The following TMEM220 variants were observed in gnomAD, a reference collection of about 807,000 sequenced individuals.
TMEM220 encodes the protein transmembrane protein 220.
TMEM220 carries 21 observed loss-of-function variants against 21.7 expected under a neutral mutation model. The ratio of observed to expected loss-of-function variants is 0.97; its 90% confidence interval spans 0.69 to 1.39. The LOEUF is 1.39. Ranked by LOEUF, TMEM220 falls within the 40% of genes most tolerant of loss-of-function variation. The probability of loss-of-function intolerance (pLI) is 0.00; values close to 1 mark genes in which losing one functional copy is unlikely to be tolerated. For synonymous variants in TMEM220, 80 were observed against 73.6 expected (o/e 1.09, Z -0.45); for missense variants, 191 against 201.9 (o/e 0.95, Z 0.33).
chr17:10,724,895 A>G, intron 4 of TMEM220, 116 bp downstream of exon 4: 1 of 1,424,132 alleles, frequency 7.0e-7, no homozygotes, highest in Non-Finnish European at 9.7e-7. Flanking sequence ...TGCCTCCTCC[A>G]CAGGGTACAC....
chr17:10,718,588 C>G (rs1178525586), intron 5 of TMEM220, among the ~76,000 whole-genome samples: 1 of 152,076 alleles, frequency 6.6e-6, no homozygotes, highest in Non-Finnish European at 1.5e-5. Context: ...ATGTTTCCCT[C>G]TAAGCATGAT....
At chr17:10,716,166 TG>T in intron 5 of TMEM220, 1 of 890,462 alleles carries the variant, frequency 1.1e-6, no homozygotes, top group South Asian at 1.3e-5. Context: ...ATAAGCCTTC[TG>T]GATCCTTGGA....
In TMEM220 at chr17:10,729,937, C is replaced by A. The variant is rs1280690074; in HGVS notation, c.-86G>T. On this transcript the variant is annotated 5_prime_UTR_variant, in exon 1 of 6. Transcript: ENST00000341871. ...CACGTACGGTCCGCCTTCCTCCTTG[C>A]GCGGAGGGACCGAGACCCCCGCCTC... 4.9e-6 allele frequency: 6 copies of A among 1,234,128 alleles called. No individual in the cohort carries two copies. Among genetic ancestry groups the A allele is most frequent in the Non-Finnish European group, 5.1e-6 (5 of 988,108 alleles). 76.4% of individuals were successfully genotyped at this position (1,234,128 alleles called of 1,614,324 possible). A position where few individuals can be genotyped will look rare whatever the true frequency, so the allele number is the denominator to read the frequency against.
At chr17:10,728,543 T>A (rs754238211) in intron 2 of TMEM220, among the ~76,000 whole-genome samples, 11 of 152,160 alleles carry the variant, frequency 7.2e-5, no homozygotes, top group Non-Finnish European at 1.3e-4. Flanking sequence ...ACTCCTGACC[T>A]CAAGTGATCC....
At chr17:10,721,995 CTTTT>C (rs139767679) in intron 5 of TMEM220, among the ~76,000 whole-genome samples, 1 of 125,978 alleles carries the variant, frequency 7.9e-6, no homozygotes, top group Non-Finnish European at 1.7e-5. Flanking sequence ...GTTTTTCTTT[CTTTT>C]TTTTTTTTTT....
chr17:10,717,324 T>A (rs928404079), intron 5 of TMEM220, among the ~76,000 whole-genome samples: 2 of 152,258 alleles, frequency 1.3e-5, no homozygotes, highest in Admixed American at 6.5e-5. Flanking sequence ...AGTGTAGATA[T>A]CTTCTATCAG....
rs2082213937 is a variant in TMEM220 at position 10,729,795 on chromosome 17, C to CA, written c.56dup (p.Ala20GlyfsTer8). On this transcript the variant is annotated frameshift_variant, in exon 1 of 6. Transcript: ENST00000341871. LOFTEE classifies it high-confidence loss of function. Reference sequence around the variant, plus strand: ...GCCGCCTGACCTGCACCAAGGCCGCCAGCGCGAAGAAGGCGGCCATGAGTC... The same window carrying CA: ...GCCGCCTGACCTGCACCAAGGCCGCCAAGCGCGAAGAAGGCGGCCATGAGTC... 1 of 1,411,576 alleles carries CA rather than the reference C, an allele frequency of 7.1e-7. No homozygotes were observed. The highest frequency in any genetic ancestry group is 1.5e-5 in the South Asian group (1 of 68,798). The allele number at this position is 1,411,576 out of a possible 1,614,324, so 87.4% of individuals were successfully genotyped here.
At chr17:10,718,139 TTAA>T (rs2074944566) in intron 5 of TMEM220, among the ~76,000 whole-genome samples, 1 of 152,146 alleles carries the variant, frequency 6.6e-6, no homozygotes, top group African/African-American at 2.4e-5. Context: ...CTCAATTTCT[TTAA>T]TAGTTATGGG....
chr17:10,722,514 A>G (rs1028275661), intron 5 of TMEM220, among the ~76,000 whole-genome samples: 1 of 152,192 alleles, frequency 6.6e-6, no homozygotes, highest in Non-Finnish European at 1.5e-5. Context: ...TGATTACAAC[A>G]TTAATCCTTG....
Position 10,715,510 on chromosome 17 carries a change from T to C in TMEM220, c.426A>G (p.Ile142Met). The C allele has an allele frequency of 6.2e-7, 1 of 1,605,432 alleles. No individual in the cohort carries two copies. The highest frequency in any genetic ancestry group is 8.5e-7 in the Non-Finnish European group (1 of 1,178,166). ...TLFPFISWVY[I>M]YINKEMRSSW... Reference sequence around the variant, plus strand: ...AGGACCGCATTTCCTTGTTAATATATATGTAGACCCATGAGATAAATGGGA... The same window carrying C: ...AGGACCGCATTTCCTTGTTAATATACATGTAGACCCATGAGATAAATGGGA... Residue 142 changes from isoleucine to methionine, a missense_variant, in exon 6 of 6, where the codon ATA becomes ATG. By Grantham distance (10) the Ile-to-Met change is conservative (BLOSUM62 1). Coordinates refer to ENST00000341871, the MANE Select transcript of TMEM220 (RefSeq NM_001004313.3).
At chr17:10,712,729 A>G (rs536220002), downstream of TMEM220, among the ~76,000 whole-genome samples, 1 of 152,374 alleles carries the variant, frequency 6.6e-6, no homozygotes, top group Admixed American at 6.5e-5. Flanking sequence ...AAAGTCAGAC[A>G]TGGCAAGTCA....
At chr17:10,723,160 T>C (rs1567586838) in intron 5 of TMEM220, 110 bp downstream of exon 5, 1 of 925,530 alleles carries the variant, frequency 1.1e-6, no homozygotes, top group Non-Finnish European at 1.8e-6. Flanking sequence ...TTCTGTATTT[T>C]AGTAGAGACA....
intron 5 of TMEM220, among the ~76,000 whole-genome samples, chr17:10,717,187 G>A (rs551379042): frequency 7.9e-5 from 12 of 151,772 alleles, no homozygotes; most frequent in African/African-American, 2.7e-4. Flanking sequence ...TTATTTTACC[G>A]GCTGGGACAA....
chr17:10,725,946 G>A (rs1043127044), intron 3 of TMEM220, among the ~76,000 whole-genome samples: 1 of 152,160 alleles, frequency 6.6e-6, no homozygotes, highest in African/African-American at 2.4e-5. Context: ...GCCCCACTAG[G>A]AGAAACTGTT....
chr17:10,726,170 T>A lies in TMEM220; in HGVS notation c.163+34A>T, dbSNP rs757984481. 9 of 1,579,874 alleles carry A rather than the reference T, an allele frequency of 5.7e-6. No individual in the cohort carries two copies. In the East Asian group the frequency reaches 2.0e-4, roughly 35 times the overall value. On this transcript the variant is annotated intron_variant, in intron 3 of 5. Transcript: ENST00000341871. ...CTCATTATTATGAGGAAATCTGATT[T>A]GCTGTCTCTCCATTTAGAATGCAAG...
intron 4 of TMEM220, among the ~76,000 whole-genome samples, chr17:10,723,758 C>A (rs1347680528): frequency 8.0e-6 from 1 of 124,224 alleles, no homozygotes; most frequent in African/African-American, 3.5e-5. Flanking sequence ...CAAACCAATA[C>A]ATGATCTGTG....
At chr17:10,720,177 A>G (rs2074970369) in intron 5 of TMEM220, among the ~76,000 whole-genome samples, 1 of 152,164 alleles carries the variant, frequency 6.6e-6, no homozygotes, top group African/African-American at 2.4e-5. Flanking sequence ...GAACTATGCA[A>G]TTACACTTTG....
intron 5 of TMEM220, among the ~76,000 whole-genome samples, chr17:10,718,251 T>A (rs2074946132): frequency 6.6e-6 from 1 of 152,234 alleles, no homozygotes; most frequent in Non-Finnish European, 1.5e-5. Flanking sequence ...TGTAAAGTTC[T>A]TCATCATATC....
intron 4 of TMEM220, among the ~76,000 whole-genome samples, chr17:10,723,831 A>G (rs995055472): frequency 6.5e-4 from 99 of 152,234 alleles, no homozygotes; most frequent in Admixed American, 8.5e-4. Context: ...TACAAATCAG[A>G]CTAATAATTT....
Sources: allele counts gnomAD v4.1 joint callset (sites outside exome capture counted in the v4.1 genomes callset), GRCh38; gene constraint gnomAD v4.1.1; transcripts MANE v1.5; gene names NCBI Gene and HGNC (gene_info 2026-07-23, HGNC 2026-07-21).